CDH12: variants seen among roughly 807,000 people sequenced by gnomAD.
The protein encoded by CDH12 is cadherin 12.
In CDH12, 41 loss-of-function variants were observed where a neutral mutation model predicts 74.1. That is an observed-to-expected ratio of 0.55 (90% CI 0.43 to 0.72). The LOEUF is 0.72. Among genes scored for constraint, CDH12 ranks in the 30% least tolerant of loss-of-function variants. The pLI, the probability that CDH12 is intolerant of heterozygous loss-of-function variation, is 0.00. For missense variants in CDH12, 945 were observed against 977.2 expected, an observed-to-expected ratio of 0.97 and a Z score of 0.44; for synonymous variants, 399 against 355.0, an observed-to-expected ratio of 1.12 and a Z score of -1.39.
chr5:22,104,248 T>C (rs1744305501), intron 4 of CDH12, among the ~76,000 whole-genome samples: 1 of 152,134 alleles, frequency 6.6e-6, no homozygotes, highest in South Asian at 2.1e-4. Flanking sequence ...AAAAAATAAT[T>C]AGCTCTCAAG....
Position 22,698,706 on chromosome 5 carries a change from TA to T in CDH12, c.-523+154351del, listed in dbSNP as rs1742526178. Among the ~76,000 whole-genome samples the T allele has an allele frequency of 8.2e-4, 11 of 13,444 alleles. 2 individuals are homozygous for T. The highest frequency in any genetic ancestry group is 3.5e-3 in the African/African-American group (11 of 3,162). The allele number at this position is 13,444 out of a possible 152,430, so 8.8% of individuals were successfully genotyped here. On this transcript the variant is annotated intron_variant, in intron 1 of 14. Coordinates refer to ENST00000382254, the MANE Select transcript of CDH12 (RefSeq NM_004061.5). ...ATATATATATATATATATATATATA[TA>T]TATATATATATATATATATATATAT... is the stretch of plus-strand genomic sequence containing the variant.
At chr5:21,962,009 T>G (rs1388884544) in intron 6 of CDH12, among the ~76,000 whole-genome samples, 1 of 152,172 alleles carries the variant, frequency 6.6e-6, no homozygotes, top group Non-Finnish European at 1.5e-5. Flanking sequence ...AGTTCAGTGT[T>G]ACCTTCCTTA....
At chr5:22,075,474 TTA>T (rs1742252552) in intron 5 of CDH12, among the ~76,000 whole-genome samples, 2 of 151,950 alleles carry the variant, frequency 1.3e-5, no homozygotes, top group Non-Finnish European at 2.9e-5. Context: ...AAAAAAAACT[TTA>T]TGATGACCCA....
chr5:22,149,886 T>C (rs1747451572), intron 4 of CDH12, among the ~76,000 whole-genome samples: 1 of 152,120 alleles, frequency 6.6e-6, no homozygotes, highest in African/African-American at 2.4e-5. Flanking sequence ...TCCCAGCTTC[T>C]CGGGAGGCTG....
At chr5:22,268,140 T>C (rs1166261004) in intron 3 of CDH12, among the ~76,000 whole-genome samples, 1 of 152,022 alleles carries the variant, frequency 6.6e-6, no homozygotes, top group African/African-American at 2.4e-5. Context: ...TGTGTTTGCA[T>C]AATAAACAAG....
chr5:22,554,654 T>C (rs1337772555), intron 1 of CDH12, among the ~76,000 whole-genome samples: 3 of 152,110 alleles, frequency 2.0e-5, no homozygotes, highest in Admixed American at 1.3e-4. Context: ...CAGTGTATCT[T>C]TGTCAGAGAA....
intron 1 of CDH12, among the ~76,000 whole-genome samples, chr5:22,777,550 T>G (rs973710521): frequency 6.6e-6 from 1 of 152,010 alleles, no homozygotes; most frequent in Non-Finnish European, 1.5e-5. Context: ...TGCATTAAAT[T>G]TTCAGTGACA....
rs537370172 is a variant in CDH12, at chr5:22,369,153, AAAAAT to A, written c.-333+36099_-333+36103del. Among the ~76,000 whole-genome samples the A allele has an allele frequency of 2.6e-4, 39 of 150,814 alleles. No individual in the cohort carries two copies. In the East Asian group the frequency reaches 7.5e-3, roughly 29 times the overall value. On this transcript the variant is annotated intron_variant, in intron 3 of 14. Transcript: ENST00000382254. ...AAATAAATAAATAAATGAATGAATA[AAAAAT>A]AAAATAAAATAAAAACATCTTTTGA...
In CDH12 at chr5:22,686,210, A is replaced by T. The variant is rs553330136; in HGVS notation, c.-523+166848T>A. 1.2e-4 allele frequency among the ~76,000 whole-genome samples: 18 copies of T among 151,942 alleles called. No individual in the cohort carries two copies. In the East Asian group the frequency reaches 3.3e-3, roughly 28 times the overall value. On this transcript the variant is annotated intron_variant, in intron 1 of 14. Coordinates refer to ENST00000382254, the MANE Select transcript of CDH12 (RefSeq NM_004061.5). ...TTGGTTTTTTTATAAATATATATAT[A>T]TTTTCACCCAGTTTCAATTTTTTGT... is the stretch of plus-strand genomic sequence containing the variant.
intron 3 of CDH12, among the ~76,000 whole-genome samples, chr5:22,370,745 T>C (rs1310126759): frequency 6.6e-6 from 1 of 151,944 alleles, no homozygotes; most frequent in Admixed American, 6.6e-5. Context: ...GAAAACCGAT[T>C]AAAAACATAA....
intron 3 of CDH12, among the ~76,000 whole-genome samples, chr5:22,275,265 C>T (rs1051701086): frequency 6.6e-5 from 10 of 151,282 alleles, no homozygotes; most frequent in Admixed American, 3.9e-4. Context: ...GCACGTTCTG[C>T]ACATGTATCA....
intron 1 of CDH12, among the ~76,000 whole-genome samples, chr5:22,567,316 A>G (rs1739336470): frequency 6.6e-6 from 1 of 152,184 alleles, no homozygotes; most frequent in Non-Finnish European, 1.5e-5. Flanking sequence ...CTGGAAACCC[A>G]ATTTGAAAAT....
chr5:22,786,636 A>T (rs1388637984), intron 1 of CDH12, among the ~76,000 whole-genome samples: 8 of 152,154 alleles, frequency 5.3e-5, no homozygotes, highest in Non-Finnish European at 2.9e-5. Context: ...GATGTGTGAC[A>T]TCTTCATTTG....
intron 4 of CDH12, among the ~76,000 whole-genome samples, chr5:22,147,604 A>G (rs926010074): frequency 3.3e-5 from 5 of 151,018 alleles, no homozygotes; most frequent in South Asian, 2.1e-4. Flanking sequence ...AAAAAAAAAA[A>G]GAGGTTTAAT....
chr5:22,556,468 A>T (rs1030697098), intron 1 of CDH12, among the ~76,000 whole-genome samples: 2 of 152,208 alleles, frequency 1.3e-5, no homozygotes, highest in South Asian at 4.1e-4. Context: ...ACCAGCCATG[A>T]GTCTCCTCAA....
At chr5:21,855,540 A>G (rs1750709001) in intron 6 of CDH12, among the ~76,000 whole-genome samples, 1 of 149,568 alleles carries the variant, frequency 6.7e-6, no homozygotes, top group Non-Finnish European at 1.5e-5. Context: ...ATCTCTTCCT[A>G]ATATCCTGTT....
intron 2 of CDH12, among the ~76,000 whole-genome samples, chr5:22,465,682 A>C: frequency 6.6e-6 from 1 of 152,106 alleles, no homozygotes; most frequent in South Asian, 2.1e-4. Flanking sequence ...AGAACAGAAC[A>C]GAACAGAACA....
At chr5:21,797,212 T>C (rs1489973688) in intron 10 of CDH12, among the ~76,000 whole-genome samples, 3 of 151,238 alleles carry the variant, frequency 2.0e-5, no homozygotes, top group South Asian at 2.1e-4. Context: ...ATGATGATGA[T>C]GAAGATGATG....
chr5:21,835,682 C>A (rs1180655264), intron 8 of CDH12, among the ~76,000 whole-genome samples: 1 of 151,604 alleles, frequency 6.6e-6, no homozygotes, highest in African/African-American at 2.4e-5. Context: ...TAGCTGAATT[C>A]ATGTTTATTC....
Sources: gnomAD v4.1 joint callset for allele counts (sites outside exome capture counted in the v4.1 genomes callset) on GRCh38, gnomAD v4.1.1 for gene constraint, MANE v1.5 for transcripts, NCBI Gene and HGNC (gene_info 2026-07-23, HGNC 2026-07-21) for gene names.